Variants in TAS2R30 observed in about 807,000 individuals in gnomAD.
The protein encoded by TAS2R30 is taste receptor type 2 member 30.
For synonymous variants in TAS2R30, 141 were observed against 131.6 expected (o/e 1.07, Z -0.49); for missense variants, 395 against 371.6 (o/e 1.06, Z -0.52).
exon 1 of TAS2R30, chr12:11,133,375 A>G: frequency 6.2e-7 from 1 of 1,613,956 alleles, no homozygotes; most frequent in Non-Finnish European, 8.5e-7. Flanking sequence ...AAACTGAAAG[A>G]AAAATCTGCT....
At chr12:11,133,035 A>C in exon 1 of TAS2R30, 1 of 412,668 alleles carries the variant, frequency 2.4e-6, no homozygotes, top group East Asian at 3.7e-5. Flanking sequence ...TAATTGAGGA[A>C]TTTTTGTCAT....
chr12:11,133,477 T>A (rs767658098), exon 1 of TAS2R30: 7 of 1,614,142 alleles, frequency 4.3e-6, no homozygotes, highest in Non-Finnish European at 5.1e-6. Context: ...CAGGTTGCTT[T>A]TCCAGCCTCC....
At position 11,133,190 on chromosome 12, in the gene TAS2R30, T is replaced by C. The variant is rs1175304046; in HGVS notation, c.*95A>G. On this transcript the variant is annotated 3_prime_UTR_variant, in exon 1 of 1. Coordinates refer to ENST00000539585, the Ensembl canonical transcript of TAS2R30. ...AGACTAACTTTAGGTAAAAGACTTT[T>C]CTAGGTATACATGTGGAAATTATTC... 1.4e-5 allele frequency: 20 copies of C among 1,469,532 alleles called. No homozygotes were observed. The East Asian group carries it at 4.6e-4, about 34-fold the overall frequency. 91.0% of individuals were successfully genotyped at this position (1,469,532 alleles called of 1,614,324 possible).
At position 11,133,943 on chromosome 12, in the gene TAS2R30, C is replaced by G. The variant is rs1179818669; in HGVS notation, c.302G>C (p.Ser101Thr). 1.9e-6 allele frequency: 3 copies of G among 1,613,992 alleles called. No individual in the cohort carries two copies. In the African/African-American group the frequency reaches 4.0e-5, roughly 22 times the overall value. The change falls in exon 1 of 1, where the codon AGC becomes ACC. Residue 101 changes from serine to threonine, a missense_variant. Transcript: ENST00000539585. ...CCTGAGCAAATAAAACATGCTGAGG[C>G]TAGTAGCAAGCCAGCTGCTGAAATG... is the stretch of plus-strand genomic sequence containing the variant.
chr12:11,133,855 C>T (rs750490142), exon 1 of TAS2R30: 3 of 1,613,960 alleles, frequency 1.9e-6, no homozygotes, highest in African/African-American at 1.3e-5. Context: ...ACAGTATCAC[C>T]AGAACAACAC....
At chr12:11,133,889 A>G (rs1946461263) in exon 1 of TAS2R30, 1 of 1,614,072 alleles carries the variant, frequency 6.2e-7, no homozygotes, top group African/African-American at 1.3e-5. Flanking sequence ...CTTTATGCGA[A>G]GAAAAATAAG....
chr12:11,134,539 C>T lies in TAS2R30; in HGVS notation c.-295G>A. ...CTGGAATTATTCATACTGAAATTGA[C>T]ATGAAACCTGAATTCTCATTTGCTA... On this transcript the variant is annotated 5_prime_UTR_variant, in exon 1 of 1. The change abolishes an upstream ATG in the 5' untranslated region. Coordinates refer to ENST00000539585, the Ensembl canonical transcript of TAS2R30. 1 of 340,760 alleles carries T rather than the reference C, an allele frequency of 2.9e-6. No individual in the cohort carries two copies. Among genetic ancestry groups the T allele is most frequent in the Non-Finnish European group, 5.3e-6 (1 of 189,364 alleles). The allele number at this position is 340,760 out of a possible 1,614,324, so 21.1% of individuals were successfully genotyped here.
chr12:11,134,126 T>C lies in TAS2R30; in HGVS notation c.119A>G (p.Lys40Arg), dbSNP rs770919396. The change falls in exon 1 of 1, where the codon AAG (lysine) becomes AGG (arginine). Residue 40 changes from lysine (K) to arginine (R), a missense_variant. Coordinates refer to ENST00000539585, the Ensembl canonical transcript of TAS2R30. The stretch of plus-strand genomic sequence containing the variant: ...GAGAATTTGGTCAACAAAGGAGATC[T>C]TTTGTCTCTTGACCCACTCAATGGA... 10 of 1,614,042 alleles carry C rather than the reference T, an allele frequency of 6.2e-6. No individual in the cohort carries two copies. In the Admixed American group the frequency reaches 1.2e-4, roughly 19 times the overall value.
chr12:11,133,954 C>T, the TAS2R30 span: 3 of 1,614,080 alleles, frequency 1.9e-6, no homozygotes, highest in Non-Finnish European at 2.5e-6. Flanking sequence ...TAGTAGCAAG[C>T]CAGCTGCTGA....
chr12:11,133,432 A>G (rs1946434398), exon 1 of TAS2R30: 2 of 1,613,904 alleles, frequency 1.2e-6, no homozygotes, highest in African/African-American at 1.3e-5. Flanking sequence ...GGGTTGAAGG[A>G]TAGCTGAATA....
chr12:11,133,128 C>CAG, exon 1 of TAS2R30: 2 of 809,010 alleles, frequency 2.5e-6, no homozygotes, highest in Non-Finnish European at 3.5e-6. Context: ...CATACACACA[C>CAG]ACACACACAC....
At chr12:11,133,856 A>T (rs1592082286) in exon 1 of TAS2R30, 1 of 1,614,202 alleles carries the variant, frequency 6.2e-7, no homozygotes, top group African/African-American at 1.3e-5. Flanking sequence ...CAGTATCACC[A>T]GAACAACACT....
At chr12:11,133,387 T>C (rs935255835) in exon 1 of TAS2R30, 1 of 1,613,990 alleles carries the variant, frequency 6.2e-7, no homozygotes, top group Non-Finnish European at 8.5e-7. Flanking sequence ...AAATCTGCTT[T>C]AGCTTCTTGT....
exon 1 of TAS2R30, chr12:11,133,217 T>C: frequency 2.0e-6 from 3 of 1,527,554 alleles, no homozygotes; most frequent in South Asian, 2.7e-5. Context: ...AAATTATTCA[T>C]ATACATATAT....
exon 1 of TAS2R30, chr12:11,133,297 C>A: frequency 1.2e-6 from 2 of 1,609,756 alleles, no homozygotes; most frequent in Non-Finnish European, 1.7e-6. Context: ...AGAAGACACA[C>A]AATGCCCCTC....
exon 1 of TAS2R30, chr12:11,134,120 G>A: frequency 1.2e-6 from 2 of 1,614,100 alleles, no homozygotes; most frequent in Non-Finnish European, 1.7e-6. Context: ...GTCAACAAAG[G>A]AGATCTTTTG....
At position 11,134,344 on chromosome 12, in the gene TAS2R30, G is replaced by A. The variant is rs1946485194; in HGVS notation, c.-100C>T. 1 of 1,221,180 alleles carries A rather than the reference G, an allele frequency of 8.2e-7. No homozygotes were observed. Among genetic ancestry groups the A allele is most frequent in the African/African-American group, 1.5e-5 (1 of 65,676 alleles). 75.6% of individuals were successfully genotyped at this position (1,221,180 alleles called of 1,614,324 possible). A position where few individuals can be genotyped will look rare whatever the true frequency, so the allele number is the denominator to read the frequency against. ...CTTAAATTCTATATGCACCTGATTTGTGTATGTGCTGTGACATTCTTTTTA... is the reference window on the plus strand; with the variant it reads ...CTTAAATTCTATATGCACCTGATTTATGTATGTGCTGTGACATTCTTTTTA... On this transcript the variant is annotated 5_prime_UTR_variant, in exon 1 of 1. It introduces an in-frame stop codon into an upstream open reading frame of the 5' UTR. Transcript: ENST00000539585.
exon 1 of TAS2R30, chr12:11,133,013 A>T (rs796458093): frequency 4.9e-5 from 9 of 181,972 alleles, no homozygotes; most frequent in Non-Finnish European, 8.7e-5. Context: ...GTATGAAATA[A>T]ACATGGCTTC....
exon 1 of TAS2R30, chr12:11,134,071 C>G: frequency 1.2e-6 from 2 of 1,614,094 alleles, no homozygotes; most frequent in Non-Finnish European, 1.7e-6. Flanking sequence ...ACACCCAGAG[C>G]AAACCAACTC....
Sources: allele counts gnomAD v4.1 joint callset, GRCh38; gene constraint gnomAD v4.1.1; transcripts MANE v1.5; gene names NCBI Gene and HGNC (gene_info 2026-07-23, HGNC 2026-07-21).